TTLL5: variants seen among roughly 807,000 people sequenced by gnomAD.
TTLL5 encodes tubulin tyrosine ligase like 5.
TTLL5 carries 132 observed loss-of-function variants against 168.4 expected under a neutral mutation model. That is an observed-to-expected ratio of 0.78 (90% CI 0.68 to 0.91). The LOEUF (loss-of-function observed/expected upper bound fraction) is 0.91. Among genes scored for constraint, TTLL5 ranks in the 40% least tolerant of loss-of-function variants. TTLL5 has a pLI of 0.00. For synonymous variants in TTLL5, 546 were observed against 558.6 expected, an observed-to-expected ratio of 0.98 and a Z score of 0.32; for missense variants, 1,545 against 1,581.5, an observed-to-expected ratio of 0.98 and a Z score of 0.39.
At chr14:75,889,794 C>T (rs939559832) in intron 30 of TTLL5, among the ~76,000 whole-genome samples, 1 of 134,850 alleles carries the variant, frequency 7.4e-6, no homozygotes, top group Non-Finnish European at 1.5e-5. Flanking sequence ...TGCGCCACTG[C>T]ACTCCAGCCT....
chr14:75,903,064 T>G (rs1484124340), intron 31 of TTLL5, among the ~76,000 whole-genome samples: 1 of 152,210 alleles, frequency 6.6e-6, no homozygotes, highest in East Asian at 1.9e-4. Flanking sequence ...CTGAATGCTT[T>G]ATGTGTAATA....
chr14:75,818,925 C>G (rs1339631321), intron 27 of TTLL5, among the ~76,000 whole-genome samples: 1 of 152,134 alleles, frequency 6.6e-6, no homozygotes, highest in Non-Finnish European at 1.5e-5. Flanking sequence ...TTTCAGTATT[C>G]ACAGTATAAT....
At chr14:75,814,094 A>G (rs1238467689) in intron 27 of TTLL5, among the ~76,000 whole-genome samples, 2 of 152,232 alleles carry the variant, frequency 1.3e-5, no homozygotes, top group African/African-American at 4.8e-5. Flanking sequence ...TGATATTTCA[A>G]GTTTTCAGAT....
intron 26 of TTLL5, among the ~76,000 whole-genome samples, chr14:75,789,707 A>G (rs1223384448): frequency 1.3e-5 from 2 of 152,196 alleles, no homozygotes; most frequent in East Asian, 3.8e-4. Context: ...CAGATATTAG[A>G]CATTAACAAA....
chr14:75,954,417 T>A lies in TTLL5; in HGVS notation c.3824-7T>A. The A allele has an allele frequency of 6.2e-7, 1 of 1,614,040 alleles. No individual in the cohort carries two copies. The highest frequency in any genetic ancestry group is 1.1e-5 in the South Asian group (1 of 91,082). On this transcript the variant is annotated splice_polypyrimidine_tract_variant and splice_region_variant and intron_variant, in intron 31 of 31. Coordinates refer to ENST00000298832, the MANE Select transcript of TTLL5 (RefSeq NM_015072.5). ...ATTCATTTCATGGTTGCCTTTCTCT[T>A]TTTCAGATCCTGCTCACACTAAAAT...
At chr14:75,886,728 T>C (rs1442558373) in intron 30 of TTLL5, 2 of 1,597,906 alleles carry the variant, frequency 1.3e-6, no homozygotes, top group African/African-American at 1.3e-5. Flanking sequence ...CTTTCAAAAC[T>C]ATTTGTGGTA....
At chr14:75,904,035 A>G (rs936774182) in intron 31 of TTLL5, 149 of 1,095,110 alleles carry the variant, frequency 1.4e-4, no homozygotes, top group Middle Eastern at 2.5e-4. Flanking sequence ...CACCCGGGCC[A>G]CTACTACCTC....
Position 75,695,957 on chromosome 14 carries a change from T to C in TTLL5, c.503-3231T>C, listed in dbSNP as rs910407786. Among the ~76,000 whole-genome samples, 11 of 138,782 alleles carry C rather than the reference T, an allele frequency of 7.9e-5. No individual in the cohort carries two copies. In the Admixed American group the frequency reaches 8.1e-4, roughly 10 times the overall value. 91.0% of individuals were successfully genotyped at this position (138,782 alleles called of 152,430 possible). A position where few individuals can be genotyped will look rare whatever the true frequency, so the allele number is the denominator to read the frequency against. ...TGTTCTCTCACCCAGGCTGTGGTAA[T>C]CATAGCTCCCCATAACCTCGAATTC... On this transcript the variant is annotated intron_variant, in intron 6 of 31. Coordinates refer to ENST00000298832, the MANE Select transcript of TTLL5 (RefSeq NM_015072.5).
chr14:75,874,482 A>C (rs2031297330), intron 29 of TTLL5, among the ~76,000 whole-genome samples: 1 of 152,238 alleles, frequency 6.6e-6, no homozygotes, highest in South Asian at 2.1e-4. Context: ...AAAGGACAAG[A>C]AACAGCATTA....
chr14:75,811,151 G>T (rs1017150107), intron 27 of TTLL5, among the ~76,000 whole-genome samples: 1 of 116,216 alleles, frequency 8.6e-6, no homozygotes, highest in African/African-American at 3.6e-5. Flanking sequence ...GGGAATGAAA[G>T]AAAGAGTGTG....
At chr14:75,792,800 T>G (rs914436704) in intron 26 of TTLL5, 116 bp from the exon 27 acceptor site, 18 of 826,568 alleles carry the variant, frequency 2.2e-5, no homozygotes, top group Non-Finnish European at 2.3e-5. Context: ...TCCTATATTA[T>G]TAAAGATCCT....
chr14:75,885,014 CA>C (rs200285964), intron 30 of TTLL5, among the ~76,000 whole-genome samples: 2 of 147,368 alleles, frequency 1.4e-5, no homozygotes, highest in East Asian at 4.0e-4. Flanking sequence ...ACTAAAAATA[CA>C]AAAAAAAATT....
intron 6 of TTLL5, among the ~76,000 whole-genome samples, chr14:75,692,327 CTACTATGTTTT>C (rs1213203951): frequency 1.3e-5 from 2 of 152,110 alleles, no homozygotes; most frequent in Non-Finnish European, 2.9e-5. Context: ...TATATTAATA[CTACTATGTTTT>C]TACTATGTTT....
intron 27 of TTLL5, among the ~76,000 whole-genome samples, chr14:75,812,214 A>G (rs1894087180): frequency 6.6e-6 from 1 of 152,176 alleles, no homozygotes; most frequent in African/African-American, 2.4e-5. Context: ...GAGTGGGAGC[A>G]GAGGAAGAGG....
At chr14:75,690,069 A>G in intron 5 of TTLL5, 123 bp from the exon 6 acceptor site, 9 of 1,027,716 alleles carry the variant, frequency 8.8e-6, no homozygotes, top group Non-Finnish European at 1.3e-5. Flanking sequence ...CGATATGTTT[A>G]GGATACAATA....
rs770110882 is a variant in TTLL5 at position 75,745,547 on chromosome 14, A to G, written c.1453A>G (p.Ile485Val). 10 of 1,613,976 alleles carry G rather than the reference A, an allele frequency of 6.2e-6. No individual in the cohort carries two copies. The highest frequency in any genetic ancestry group is 1.1e-5 in the South Asian group (1 of 91,072). The change falls in exon 17 of 32, where the codon ATA becomes GTA. Residue 485 changes from isoleucine (I) to valine (V), a missense_variant. Physicochemically the swap from Ile to Val is conservative, Grantham distance 29. Transcript: ENST00000298832. ...TGATCGGCGAGGTGGATTTATTCGC[A>G]TATTTCCTACATCTGAGACATGGGA... ...ENDRRGGFIRIFPTSETWEIY... is the reference protein window; with the variant it reads ...ENDRRGGFIRVFPTSETWEIY...
rs566548981 is a variant in TTLL5, at chr14:75,763,225, G to C, written c.1551-1390G>C. 2.6e-3 allele frequency among the ~76,000 whole-genome samples: 389 copies of C among 148,486 alleles called. 3 individuals carry two copies. The highest frequency in any genetic ancestry group is 9.4e-3 in the African/African-American group (374 of 39,720). Reference sequence around the variant, plus strand: ...GTTTTATTTTCTTTATTATTGAATTGGCTAAAAGTTTATTTCTATAGCTCT... The same window carrying C: ...GTTTTATTTTCTTTATTATTGAATTCGCTAAAAGTTTATTTCTATAGCTCT... On this transcript the variant is annotated intron_variant, in intron 18 of 31. Transcript: ENST00000298832.
intron 28 of TTLL5, chr14:75,820,818 A>G (rs952534061): frequency 6.5e-6 from 1 of 153,096 alleles, no homozygotes; most frequent in Non-Finnish European, 1.5e-5. Flanking sequence ...AAAAAAAAAA[A>G]AAAAGAAATG....
Position 75,779,660 on chromosome 14 carries a change from T to C in TTLL5, c.2473T>C (p.Ser825Pro), listed in dbSNP as rs1355394866. 1 of 1,613,660 alleles carries C rather than the reference T, an allele frequency of 6.2e-7. No homozygotes were observed. The highest frequency in any genetic ancestry group is 8.5e-7 in the Non-Finnish European group (1 of 1,179,856). The change falls in exon 24 of 32, where the codon TCT (serine) becomes CCT (proline). Residue 825 changes from serine (S) to proline (P), a missense_variant. Transcript: ENST00000298832. ...SVFLGTHSKI[S>P]KNNNNYSDSG... is the part of the protein sequence containing the mutation. ...CTTCCTGGGGACTCACTCTAAAATT[T>C]CTAAGAACAACAACAATTATTCTGA...
Sources: gnomAD v4.1 joint callset for allele counts (sites outside exome capture counted in the v4.1 genomes callset) on GRCh38, gnomAD v4.1.1 for gene constraint, MANE v1.5 for transcripts, NCBI Gene and HGNC (gene_info 2026-07-23, HGNC 2026-07-21) for gene names.